Variants in LYRM4 observed in about 807,000 individuals in gnomAD.
LYRM4 encodes LYR motif-containing protein 4.
LYRM4 carries 9 observed loss-of-function variants against 11.7 expected under a neutral mutation model. The ratio of observed to expected loss-of-function variants is 0.77; its 90% CI spans 0.46 to 1.34. The LOEUF is 1.34. Among genes scored for constraint, LYRM4 ranks in the 40% most tolerant of loss-of-function variants. The pLI, the probability that LYRM4 is intolerant of heterozygous loss-of-function variation, is 0.00. For missense variants in LYRM4, 133 were observed against 112.5 expected, an observed-to-expected ratio of 1.18 and a Z score of -0.82; for synonymous variants, 42 against 40.4, an observed-to-expected ratio of 1.04 and a Z score of -0.15.
intron 2 of LYRM4, among the ~76,000 whole-genome samples, chr6:5,183,707 C>T (rs183402772): frequency 4.6e-5 from 7 of 152,238 alleles, no homozygotes; most frequent in South Asian, 2.1e-4. Flanking sequence ...TCTCATCTTT[C>T]GGCTGTGCAA....
intron 1 of LYRM4, among the ~76,000 whole-genome samples, chr6:5,249,863 G>A (rs1189206000): frequency 6.6e-6 from 1 of 152,218 alleles, no homozygotes; most frequent in East Asian, 1.9e-4. Flanking sequence ...TCAGTGTGAA[G>A]AAAGGGGTAT....
the LYRM4 span, chr6:5,066,649 C>G: frequency 8.6e-7 from 1 of 1,166,898 alleles, no homozygotes; most frequent in South Asian, 1.2e-5. Context: ...TCAAGTAATG[C>G]CTGAGTCAGG....
the LYRM4 span, among the ~76,000 whole-genome samples, chr6:5,041,526 G>A: frequency 6.6e-6 from 1 of 152,176 alleles, no homozygotes; most frequent in Non-Finnish European, 1.5e-5. Context: ...ACTTATTACA[G>A]TTTTTACTAT....
At chr6:5,043,715 G>A in the LYRM4 span, among the ~76,000 whole-genome samples, 2 of 152,062 alleles carry the variant, frequency 1.3e-5, no homozygotes, top group Non-Finnish European at 2.9e-5. Flanking sequence ...CCTCCTCCCA[G>A]GGGCGCACTT....
chr6:5,246,574 C>T (rs946053508), intron 1 of LYRM4, among the ~76,000 whole-genome samples: 2 of 152,142 alleles, frequency 1.3e-5, no homozygotes, highest in Non-Finnish European at 1.5e-5. Flanking sequence ...GCAGGGGGGA[C>T]TGAGAGTGGT....
intron 1 of LYRM4, among the ~76,000 whole-genome samples, chr6:5,218,905 GTTC>G (rs1371106878): frequency 3.3e-5 from 5 of 152,190 alleles, no homozygotes; most frequent in African/African-American, 7.2e-5. Context: ...CAGCATCACT[GTTC>G]TTCTTGACAA....
At chr6:5,146,098 C>T (rs937750348) in intron 2 of LYRM4, among the ~76,000 whole-genome samples, 6 of 152,224 alleles carry the variant, frequency 3.9e-5, no homozygotes, top group South Asian at 2.1e-4. Context: ...GCACATGGTG[C>T]TTCTGGCACT....
intron 1 of LYRM4, among the ~76,000 whole-genome samples, chr6:5,251,508 C>T (rs1458965720): frequency 6.6e-6 from 1 of 152,142 alleles, no homozygotes; most frequent in African/African-American, 2.4e-5. Context: ...AGACACATCA[C>T]AGGCCAGAGC....
At chr6:5,195,627 C>A (rs1039446017) in intron 2 of LYRM4, among the ~76,000 whole-genome samples, 1 of 152,124 alleles carries the variant, frequency 6.6e-6, no homozygotes, top group Admixed American at 6.5e-5. Context: ...AAGTGAGAGA[C>A]CCTGTCTCAT....
intron 2 of LYRM4, among the ~76,000 whole-genome samples, chr6:5,168,928 CGT>C (rs1759253150): frequency 6.6e-6 from 1 of 151,836 alleles, no homozygotes; most frequent in African/African-American, 2.4e-5. Flanking sequence ...AGGGCCAGGG[CGT>C]GTGTGAATGA....
rs143853103 is a variant in LYRM4 at position 5,170,158 on chromosome 6, T to C, written c.207+46460A>G. On this transcript the variant is annotated intron_variant, in intron 2 of 2. Transcript: ENST00000330636. ...GGCATCTTTGGATGCCAAAGGGTTT[T>C]GGATCTGAGAAAGGGGGCAAGGTAA... Among the ~76,000 whole-genome samples, 980 of 152,338 alleles carry C rather than the reference T, an allele frequency of 6.4e-3. 8 individuals carry two copies. Among genetic ancestry groups the C allele is most frequent in the African/African-American group, 0.022 (925 of 41,566 alleles).
chr6:5,162,195 G>T (rs1758800000), intron 2 of LYRM4, among the ~76,000 whole-genome samples: 1 of 152,124 alleles, frequency 6.6e-6, no homozygotes, highest in Non-Finnish European at 1.5e-5. Context: ...TACACTCTTG[G>T]CCTCAGGCAC....
intron 1 of LYRM4, among the ~76,000 whole-genome samples, chr6:5,249,288 A>G (rs913404035): frequency 6.6e-6 from 1 of 152,218 alleles, no homozygotes. Context: ...ATTTGAGTCA[A>G]GGTTTCTTAA....
chr6:5,165,021 A>C (rs1758994637), intron 2 of LYRM4, among the ~76,000 whole-genome samples: 1 of 151,536 alleles, frequency 6.6e-6, no homozygotes, highest in Non-Finnish European at 1.5e-5. Context: ...AAAAGTTATT[A>C]TGTTCTACAG....
intron 2 of LYRM4, among the ~76,000 whole-genome samples, chr6:5,127,040 T>C (rs417021): frequency 1 from 152,355 of 152,356 alleles, 76,177 homozygotes; most frequent in Non-Finnish European, 1. Context: ...ACCTCCGCCT[T>C]CCGGGTTCAA....
At chr6:5,175,663 T>C (rs1759673747) in intron 2 of LYRM4, among the ~76,000 whole-genome samples, 1 of 152,224 alleles carries the variant, frequency 6.6e-6, no homozygotes, top group African/African-American at 2.4e-5. Context: ...CGGGGGTCTA[T>C]GTTCCCACAC....
chr6:5,160,668 T>C (rs923918464), intron 2 of LYRM4, among the ~76,000 whole-genome samples: 2 of 150,408 alleles, frequency 1.3e-5, no homozygotes, highest in Admixed American at 6.6e-5. Context: ...CCCCCAGCAA[T>C]GTGGAACTGT....
the LYRM4 span, among the ~76,000 whole-genome samples, chr6:5,067,522 G>A: frequency 1.3e-5 from 2 of 152,206 alleles, no homozygotes; most frequent in Non-Finnish European, 2.9e-5. Flanking sequence ...CTTCCTCAAA[G>A]CAAGGGAGAG....
chr6:5,101,077 G>A (rs140001943), downstream of LYRM4, among the ~76,000 whole-genome samples: 174 of 152,056 alleles, frequency 1.1e-3, 2 homozygotes, highest in African/African-American at 4.1e-3. Flanking sequence ...ACTGCACATC[G>A]CTGCCGTACA....
Sources: allele counts gnomAD v4.1 joint callset (sites outside exome capture counted in the v4.1 genomes callset), GRCh38; gene constraint gnomAD v4.1.1; transcripts MANE v1.5; gene names NCBI Gene and HGNC (gene_info 2026-07-23, HGNC 2026-07-21).